SLC24A1: variants seen among roughly 807,000 people sequenced by gnomAD.
SLC24A1 encodes the protein sodium/potassium/calcium exchanger 1.
A neutral mutation model predicts 88.1 loss-of-function variants in SLC24A1; 52 were observed. That is an observed-to-expected ratio of 0.59 (90% CI 0.47 to 0.74). The LOEUF is 0.74. SLC24A1 is among the 30% of genes least tolerant of loss of function. The pLI is 0.00. For synonymous variants in SLC24A1, 455 were observed against 498.0 expected (o/e 0.91, Z 1.15); for missense variants, 1,173 against 1,363.3 (o/e 0.86, Z 2.20).
upstream of SLC24A1, among the ~76,000 whole-genome samples, chr15:65,618,076 CT>C (rs1455652372): frequency 1.3e-5 from 2 of 152,198 alleles, no homozygotes. Context: ...CCATACATAT[CT>C]CCCTGCCTCA....
intron 1 of SLC24A1, among the ~76,000 whole-genome samples, chr15:65,623,130 A>G (rs955794228): frequency 6.6e-6 from 1 of 152,022 alleles, no homozygotes. Flanking sequence ...AATTAAAAAT[A>G]TTATAACATG....
Position 65,652,631 on chromosome 15 carries a change from C to A in SLC24A1, c.2884-11C>A. On this transcript the variant is annotated splice_polypyrimidine_tract_variant and intron_variant, in intron 8 of 9. Coordinates refer to ENST00000261892, the MANE Select transcript of SLC24A1 (RefSeq NM_004727.3). ...GTTTTTCACCTACTGTTGACCGTTG[C>A]CGTTTACCAGGTTGGTGAAACAATA... The A allele has an allele frequency of 6.2e-7, 1 of 1,613,174 alleles. No homozygotes were observed. The highest frequency in any genetic ancestry group is 2.2e-5 in the East Asian group (1 of 44,874).
rs138458275 is a variant in SLC24A1 at position 65,656,120 on chromosome 15, C to T, written c.*2041C>T. 1.2e-4 allele frequency: 114 copies of T among 985,400 alleles called. 1 individual carries two copies. In the African/African-American group the frequency reaches 1.8e-3, roughly 15 times the overall value. The allele number at this position is 985,400 out of a possible 1,614,324, so 61.0% of individuals were successfully genotyped here. On this transcript the variant is annotated 3_prime_UTR_variant, in exon 10 of 10. Coordinates refer to ENST00000261892, the MANE Select transcript of SLC24A1 (RefSeq NM_004727.3). ...GTCTGCAGCCCGTTCCCGTTAGCCT[C>T]GGGGATGTCACCTCACCCACAGCCT...
At position 65,650,407 on chromosome 15, in the gene SLC24A1, CA is replaced by C; in HGVS notation, c.2259del (p.Gly754ValfsTer68). The C allele has an allele frequency of 6.4e-7, 1 of 1,551,542 alleles. No homozygotes were observed. Among genetic ancestry groups the C allele is most frequent in the Non-Finnish European group, 8.7e-7 (1 of 1,146,910 alleles). On this transcript the variant is annotated frameshift_variant, in exon 7 of 10. Coordinates refer to ENST00000261892, the MANE Select transcript of SLC24A1 (RefSeq NM_004727.3). LOFTEE classifies it high-confidence loss of function. The surrounding 1 kb of genome is among the most constrained non-coding windows in gnomAD (Gnocchi z 4.1). ...GAAGATGTGGCTGAGGCCGAGAGCACAGGTGAAATGCCAGGCGAAGAGGGCG... is the reference window on the plus strand; with the variant it reads ...GAAGATGTGGCTGAGGCCGAGAGCACGGTGAAATGCCAGGCGAAGAGGGCG... ...GQEDVAEAES[T>X]GEMPGEEGET...
intron 6 of SLC24A1, among the ~76,000 whole-genome samples, chr15:65,649,590 C>A (rs1345896853): frequency 6.6e-6 from 1 of 152,182 alleles, no homozygotes; most frequent in Non-Finnish European, 1.5e-5. Flanking sequence ...ACTCTAGTTT[C>A]TCCATCTGTA....
downstream of SLC24A1, among the ~76,000 whole-genome samples, chr15:65,658,668 G>T (rs2075755786): frequency 6.6e-6 from 1 of 152,158 alleles, no homozygotes; most frequent in African/African-American, 2.4e-5. Context: ...TTTCCTTTGA[G>T]CATCATGTCG....
chr15:65,650,408 A>G lies in SLC24A1; in HGVS notation c.2259A>G (p.Thr753=). The part of the protein sequence containing the change: ...GQEDVAEAES[T]GEMPGEEGET... Reference sequence around the variant, plus strand: ...AAGATGTGGCTGAGGCCGAGAGCACAGGTGAAATGCCAGGCGAAGAGGGCG... The same window carrying G: ...AAGATGTGGCTGAGGCCGAGAGCACGGGTGAAATGCCAGGCGAAGAGGGCG... The change falls in exon 7 of 10, where the codon ACA becomes ACG. Residue 753 remains threonine, a synonymous_variant. Coordinates refer to ENST00000261892, the MANE Select transcript of SLC24A1 (RefSeq NM_004727.3). This position sits in a 1 kb window ranked among gnomAD's most constrained non-coding sequence, Gnocchi z 4.1. 1 of 1,551,656 alleles carries G rather than the reference A, an allele frequency of 6.4e-7. No homozygotes were observed. Among genetic ancestry groups the G allele is most frequent in the Non-Finnish European group, 8.7e-7 (1 of 1,146,920 alleles).
At chr15:65,657,385 T>C (rs1229466521), downstream of SLC24A1, among the ~76,000 whole-genome samples, 2 of 152,062 alleles carry the variant, frequency 1.3e-5, no homozygotes, top group South Asian at 2.1e-4. Context: ...CTCATGCCTA[T>C]AATCCCAGCA....
chr15:65,660,650 C>CT (rs1254546367), downstream of SLC24A1: 9 of 191,020 alleles, frequency 4.7e-5, no homozygotes, highest in Non-Finnish European at 1.1e-5. Context: ...GATGTCTAAA[C>CT]TTTCAATTTA....
chr15:65,622,857 T>C (rs887281086), intron 1 of SLC24A1, among the ~76,000 whole-genome samples: 1 of 152,076 alleles, frequency 6.6e-6, no homozygotes, highest in Admixed American at 6.5e-5. Context: ...TTCTCCTGTC[T>C]CAGCCTCCTG....
chr15:65,638,386 C>T (rs1015830123), intron 3 of SLC24A1, among the ~76,000 whole-genome samples: 2 of 152,098 alleles, frequency 1.3e-5, no homozygotes, highest in African/African-American at 4.8e-5. Context: ...TGAGGAGGTG[C>T]TAGTTTGGGA....
At chr15:65,659,310 T>G (rs1262514948), downstream of SLC24A1, 1 of 147,178 alleles carries the variant, frequency 6.8e-6, no homozygotes, top group Non-Finnish European at 1.5e-5. Flanking sequence ...TTTAAATGAT[T>G]GATATTTTCT....
At chr15:65,626,896 A>C (rs1191312591) in intron 2 of SLC24A1, among the ~76,000 whole-genome samples, 1 of 152,092 alleles carries the variant, frequency 6.6e-6, no homozygotes, top group Non-Finnish European at 1.5e-5. Context: ...TACCTTAGGG[A>C]ACACGGACCC....
intron 2 of SLC24A1, among the ~76,000 whole-genome samples, chr15:65,614,380 C>T (rs1022309161): frequency 3.9e-5 from 6 of 152,112 alleles, no homozygotes; most frequent in African/African-American, 7.2e-5. Flanking sequence ...CATCAAATAT[C>T]GAATCAGCTT....
chr15:65,623,947 C>T lies in SLC24A1; in HGVS notation c.-126-8C>T. 1.5e-6 allele frequency: 1 copy of T among 681,790 alleles called. No homozygotes were observed. The highest frequency in any genetic ancestry group is 2.5e-6 in the Non-Finnish European group (1 of 402,312). 42.2% of individuals were successfully genotyped at this position (681,790 alleles called of 1,614,324 possible). A position where few individuals can be genotyped will look rare whatever the true frequency, so the allele number is the denominator to read the frequency against. ...GTGGTAAATAATCTCTTTTTTTTAC[C>T]CACCTAGGGTTGTGGATACCCCCTG... is the stretch of plus-strand genomic sequence containing the variant. On this transcript the variant is annotated splice_region_variant and splice_polypyrimidine_tract_variant and intron_variant, in intron 1 of 9. Coordinates refer to ENST00000261892, the MANE Select transcript of SLC24A1 (RefSeq NM_004727.3).
In SLC24A1 at chr15:65,654,895, G is replaced by A; in HGVS notation, c.*816G>A. 3 of 1,144,222 alleles carry A rather than the reference G, an allele frequency of 2.6e-6. No individual in the cohort carries two copies. The highest frequency in any genetic ancestry group is 1.8e-5 in the South Asian group (1 of 55,686). 70.9% of individuals were successfully genotyped at this position (1,144,222 alleles called of 1,614,324 possible). On this transcript the variant is annotated 3_prime_UTR_variant, in exon 10 of 10. Coordinates refer to ENST00000261892, the MANE Select transcript of SLC24A1 (RefSeq NM_004727.3). The stretch of plus-strand genomic sequence containing the variant: ...TTACAGGCGTCAGCCACCGCGCCTG[G>A]CCTATACCAGTATTTTCTAGTTTAA...
At chr15:65,633,485 C>T (rs1317806483) in intron 2 of SLC24A1, among the ~76,000 whole-genome samples, 1 of 152,000 alleles carries the variant, frequency 6.6e-6, no homozygotes, top group Non-Finnish European at 1.5e-5. Flanking sequence ...CATGGTGAAA[C>T]CTCGTCTGTA....
intron 1 of SLC24A1, chr15:65,612,065 A>C (rs1365333919): frequency 6.6e-6 from 1 of 152,382 alleles, no homozygotes; most frequent in Non-Finnish European, 1.5e-5. Flanking sequence ...ATGCGTGCTC[A>C]GATTTCCCTG....
intron 3 of SLC24A1, among the ~76,000 whole-genome samples, chr15:65,639,321 G>A (rs2075044046): frequency 6.6e-6 from 1 of 152,174 alleles, no homozygotes; most frequent in Non-Finnish European, 1.5e-5. Context: ...CCTTCATAAC[G>A]TGATATTCCT....
Sources: allele counts gnomAD v4.1 joint callset (sites outside exome capture counted in the v4.1 genomes callset), GRCh38; gene constraint gnomAD v4.1.1; non-coding constraint Gnocchi (gnomAD v3.1); transcripts MANE v1.5; gene names NCBI Gene and HGNC (gene_info 2026-07-23, HGNC 2026-07-21).